The following DAB1 variants were observed in gnomAD, a reference collection of about 807,000 sequenced individuals.
DAB1 encodes the protein DAB adaptor protein 1.
DAB1 carries 15 observed loss-of-function variants against 64.6 expected under a neutral mutation model. That is an observed-to-expected ratio of 0.23 (90% CI 0.16 to 0.36). The LOEUF is 0.36. DAB1 is among the 10% of genes least tolerant of loss of function. The pLI is 1.00. For missense variants in DAB1, 596 were observed against 706.7 expected (o/e 0.84, Z 1.78); for synonymous variants, 235 against 251.9 (o/e 0.93, Z 0.64).
chr1:57,258,386 C>T (rs1471494578), intron 2 of DAB1, among the ~76,000 whole-genome samples: 1 of 152,102 alleles, frequency 6.6e-6, no homozygotes, highest in Non-Finnish European at 1.5e-5. Context: ...TCATCATCCT[C>T]CCTGGGATGG....
intron 6 of DAB1, among the ~76,000 whole-genome samples, chr1:57,745,195 G>C (rs1039451663): frequency 6.6e-6 from 1 of 152,074 alleles, no homozygotes; most frequent in African/African-American, 2.4e-5. Flanking sequence ...GGGAGATTTG[G>C]AGGTAAGGGA....
chr1:57,232,429 T>C (rs1224292565), intron 2 of DAB1, among the ~76,000 whole-genome samples: 1 of 152,050 alleles, frequency 6.6e-6, no homozygotes, highest in Non-Finnish European at 1.5e-5. Flanking sequence ...ATATTTACTA[T>C]GCAACTACTA....
intron 2 of DAB1, among the ~76,000 whole-genome samples, chr1:57,149,378 T>C (rs905236118): frequency 2.0e-5 from 3 of 152,230 alleles, no homozygotes; most frequent in Non-Finnish European, 4.4e-5. Context: ...GGTAACTCTA[T>C]ATTTAACTTT....
At chr1:58,113,317 G>A (rs1043777034) in intron 5 of DAB1, among the ~76,000 whole-genome samples, 9 of 152,196 alleles carry the variant, frequency 5.9e-5, no homozygotes, top group African/African-American at 2.2e-4. Flanking sequence ...TGTTAAAGAT[G>A]GTACCAAGGA....
At chr1:57,672,221 A>G (rs1435053617) in intron 6 of DAB1, among the ~76,000 whole-genome samples, 1 of 152,182 alleles carries the variant, frequency 6.6e-6, no homozygotes. Context: ...ATGTTGCCTC[A>G]TTAATGTAAA....
intron 3 of DAB1, among the ~76,000 whole-genome samples, chr1:58,474,731 T>C (rs1246979883): frequency 6.6e-6 from 1 of 152,172 alleles, no homozygotes. Flanking sequence ...CCCAAATAAT[T>C]GTTTCCCTCG....
intron 4 of DAB1, among the ~76,000 whole-genome samples, chr1:58,203,878 A>C (rs1413682903): frequency 3.3e-5 from 5 of 152,234 alleles, no homozygotes; most frequent in Admixed American, 6.5e-5. Flanking sequence ...CCCAGAACCT[A>C]ACCCAAAGCC....
At chr1:58,219,025 C>CTCTCTCTGTGTGTG (rs376130413) in intron 4 of DAB1, among the ~76,000 whole-genome samples, 4 of 129,474 alleles carry the variant, frequency 3.1e-5, no homozygotes, top group African/African-American at 1.3e-4. Flanking sequence ...CTCTCTCTCT[C>CTCTCTCTGTGTGTG]TGTGTGTGTG....
intron 7 of DAB1, among the ~76,000 whole-genome samples, chr1:57,587,396 AAAC>A (rs1645393216): frequency 6.6e-6 from 1 of 152,180 alleles, no homozygotes; most frequent in African/African-American, 2.4e-5. Flanking sequence ...ATTCTCACAA[AAAC>A]TCTGAGACAC....
At chr1:57,177,383 T>C (rs1272250683) in intron 2 of DAB1, among the ~76,000 whole-genome samples, 1 of 152,168 alleles carries the variant, frequency 6.6e-6, no homozygotes, top group Non-Finnish European at 1.5e-5. Flanking sequence ...CTTGTTAATC[T>C]GTCTTTTGTC....
At chr1:57,737,147 C>G (rs1397536094) in intron 6 of DAB1, among the ~76,000 whole-genome samples, 1 of 152,164 alleles carries the variant, frequency 6.6e-6, no homozygotes, top group African/African-American at 2.4e-5. Flanking sequence ...GAAAGGGAGT[C>G]AAGAGGCTAA....
At chr1:57,285,145 A>T (rs562782917) in intron 2 of DAB1, among the ~76,000 whole-genome samples, 7 of 152,350 alleles carry the variant, frequency 4.6e-5, no homozygotes, top group African/African-American at 1.7e-4. Context: ...GAAAATAAGG[A>T]GGTGATGGTG....
intron 5 of DAB1, among the ~76,000 whole-genome samples, chr1:58,038,170 C>G (rs981073608): frequency 3.9e-5 from 6 of 152,114 alleles, no homozygotes; most frequent in African/African-American, 1.2e-4. Flanking sequence ...TGAGGAGACC[C>G]ATGAAAATAT....
chr1:58,305,672 A>G (rs1308927805), intron 4 of DAB1, among the ~76,000 whole-genome samples: 1 of 152,202 alleles, frequency 6.6e-6, no homozygotes, highest in African/African-American at 2.4e-5. Flanking sequence ...TTCAAAAAAG[A>G]TCAAGTCATC....
chr1:58,136,532 A>G (rs1653954104), intron 5 of DAB1, among the ~76,000 whole-genome samples: 1 of 152,200 alleles, frequency 6.6e-6, no homozygotes, highest in Non-Finnish European at 1.5e-5. Context: ...TGCGAGATTT[A>G]TAACATGCAA....
At chr1:58,432,000 A>C (rs1227929749) in intron 3 of DAB1, among the ~76,000 whole-genome samples, 2 of 152,202 alleles carry the variant, frequency 1.3e-5, no homozygotes, top group Admixed American at 6.5e-5. Flanking sequence ...GATTTCTCAG[A>C]AGCTCTGGAG....
At position 58,120,418 on chromosome 1, in the gene DAB1, T is replaced by C. The variant is rs373799939; in HGVS notation, n.387+30093A>G. Among the ~76,000 whole-genome samples, 484 of 152,272 alleles carry C rather than the reference T, an allele frequency of 3.2e-3. 25 individuals are homozygous for C. The South Asian group carries it at 0.096, about 30-fold the overall frequency. ...GCATGAGTTTGGAATAAGCCTGGCC[T>C]GGATTCTATTCTCAGTTAGGGGACC... On this transcript the variant is annotated intron_variant and non_coding_transcript_variant, in intron 5 of 20. Transcript: ENST00000485760.
At chr1:57,914,547 T>G (rs1644697438) in intron 5 of DAB1, among the ~76,000 whole-genome samples, 1 of 152,098 alleles carries the variant, frequency 6.6e-6, no homozygotes, top group South Asian at 2.1e-4. Flanking sequence ...GTTGTGCACA[T>G]GTACCCTAAT....
intron 4 of DAB1, among the ~76,000 whole-genome samples, chr1:58,195,426 G>A (rs947895006): frequency 6.6e-6 from 1 of 152,174 alleles, no homozygotes; most frequent in Non-Finnish European, 1.5e-5. Flanking sequence ...GTGACACAGA[G>A]AGGGCAATGT....
Sources: gnomAD v4.1 joint callset for allele counts (sites outside exome capture counted in the v4.1 genomes callset) on GRCh38, gnomAD v4.1.1 for gene constraint, MANE v1.5 for transcripts, NCBI Gene and HGNC (gene_info 2026-07-23, HGNC 2026-07-21) for gene names.